The following ADAM23 variants were observed in gnomAD, a reference collection of about 807,000 sequenced individuals.
ADAM23 encodes disintegrin and metalloproteinase domain-containing protein 23.
A neutral mutation model predicts 120.1 loss-of-function variants in ADAM23; 33 were observed. That is an observed-to-expected ratio of 0.27 (90% CI 0.21 to 0.37). ADAM23 has a LOEUF of 0.37. Ranked by LOEUF, ADAM23 falls within the 10% of genes least tolerant of loss-of-function variation. ADAM23 has a pLI of 1.00. For synonymous variants in ADAM23, 367 were observed against 375.2 expected (o/e 0.98, Z 0.25); for missense variants, 862 against 1,058.2 (o/e 0.81, Z 2.57).
At chr2:206,472,521 G>A (rs6435340) in intron 2 of ADAM23, among the ~76,000 whole-genome samples, 19,271 of 151,506 alleles carry the variant, frequency 0.13, 1,684 homozygotes, top group African/African-American at 0.23. Context: ...GCTGAGGCAC[G>A]AGAATTGCTT....
At chr2:206,585,023 G>A (rs971323690) in intron 18 of ADAM23, among the ~76,000 whole-genome samples, 2 of 152,192 alleles carry the variant, frequency 1.3e-5, no homozygotes, top group Non-Finnish European at 2.9e-5. Flanking sequence ...TCCAGCGGGG[G>A]TGTGTGTTCC....
At chr2:206,553,156 T>A (rs1489312237) in intron 9 of ADAM23, among the ~76,000 whole-genome samples, 1 of 152,182 alleles carries the variant, frequency 6.6e-6, no homozygotes, top group East Asian at 1.9e-4. Flanking sequence ...GGCGTGTGGA[T>A]CACTTGAGGT....
At chr2:206,471,080 G>T (rs1487128937) in intron 2 of ADAM23, among the ~76,000 whole-genome samples, 1 of 152,162 alleles carries the variant, frequency 6.6e-6, no homozygotes, top group Non-Finnish European at 1.5e-5. Context: ...TATCAACAAG[G>T]ATCAGTGAAT....
chr2:206,587,232 A>G, intron 18 of ADAM23, 93 bp from the exon 19 acceptor site: 2 of 842,504 alleles, frequency 2.4e-6, no homozygotes, highest in South Asian at 1.9e-5. Flanking sequence ...TTCTAGTTAT[A>G]TATATCCACC....
In ADAM23 at chr2:206,573,144, T is replaced by C; in HGVS notation, c.1686T>C (p.Asp562=). The C allele has an allele frequency of 1.2e-6, 2 of 1,614,030 alleles. No homozygotes were observed. The highest frequency in any genetic ancestry group is 8.5e-7 in the Non-Finnish European group (1 of 1,179,904). ...AGCCACGAGGGTATGAATGCCGGGA[T>C]GCTGTGAACGAGTGTGATATTACTG... The part of the protein sequence containing the change: ...LFQPRGYECR[D]AVNECDITEY... Residue 562 remains aspartate (D), a synonymous_variant, in exon 18 of 26, where the codon GAT becomes GAC. Coordinates refer to ENST00000264377, the MANE Select transcript of ADAM23 (RefSeq NM_003812.4).
Position 206,542,124 on chromosome 2 carries a change from A to G in ADAM23, c.646A>G (p.Asn216Asp), listed in dbSNP as rs769522829. 6.2e-7 allele frequency: 1 copy of G among 1,614,114 alleles called. No individual in the cohort carries two copies. The highest frequency in any genetic ancestry group is 1.7e-5 in the Admixed American group (1 of 60,026). ...CTCCAAGGTGGCTCTGTCAACCTGC[A>G]ATGGACTTCAGTAAGTGGGAATCTC... ...KDSKVALSTC[N>D]GLHGMFEDDT... Residue 216 changes from asparagine to aspartate, a missense_variant, in exon 5 of 26, where the codon AAT becomes GAT. Coordinates refer to ENST00000264377, the MANE Select transcript of ADAM23 (RefSeq NM_003812.4).
intron 18 of ADAM23, among the ~76,000 whole-genome samples, chr2:206,575,941 A>C (rs1420002166): frequency 2.6e-5 from 4 of 152,158 alleles, no homozygotes; most frequent in Non-Finnish European, 5.9e-5. Context: ...AGAAGAAAAA[A>C]TGAGGAGAGA....
intron 24 of ADAM23, among the ~76,000 whole-genome samples, chr2:206,603,752 C>T (rs1385997856): frequency 6.6e-6 from 1 of 152,178 alleles, no homozygotes; most frequent in Non-Finnish European, 1.5e-5. Flanking sequence ...AAATTACATC[C>T]ATAGCAAAGA....
chr2:206,600,416 C>A (rs1698618979), intron 24 of ADAM23, among the ~76,000 whole-genome samples: 3 of 151,998 alleles, frequency 2.0e-5, no homozygotes, highest in Admixed American at 2.0e-4. Flanking sequence ...TATTTAATTT[C>A]AATGTGCTTC....
intron 3 of ADAM23, among the ~76,000 whole-genome samples, chr2:206,529,613 G>A (rs1293921276): frequency 4.6e-5 from 7 of 152,050 alleles, no homozygotes; most frequent in African/African-American, 1.7e-4. Context: ...TGCCAGGCTG[G>A]TTCTCAAACT....
chr2:206,541,319 C>T (rs1235918927), intron 4 of ADAM23, among the ~76,000 whole-genome samples: 2 of 151,990 alleles, frequency 1.3e-5, no homozygotes, highest in African/African-American at 4.8e-5. Flanking sequence ...TACACATAAA[C>T]AATGAATATA....
intron 18 of ADAM23, 28 bp downstream of exon 18, chr2:206,573,223 C>T (rs1698040616): frequency 6.3e-7 from 1 of 1,599,056 alleles, no homozygotes; most frequent in Non-Finnish European, 8.6e-7. Context: ...TTTGGTAATA[C>T]ATTTTACTTG....
intron 4 of ADAM23, among the ~76,000 whole-genome samples, chr2:206,537,183 T>A (rs1349007575): frequency 6.6e-6 from 1 of 152,182 alleles, no homozygotes; most frequent in Admixed American, 6.5e-5. Flanking sequence ...TATTCTTTTC[T>A]TTATCAGTAT....
intron 14 of ADAM23, among the ~76,000 whole-genome samples, chr2:206,566,309 T>C (rs1399440930): frequency 2.6e-5 from 4 of 152,078 alleles, no homozygotes; most frequent in Middle Eastern, 3.4e-3. Context: ...AAGAGGTTCC[T>C]ATCAACAGTG....
intron 3 of ADAM23, among the ~76,000 whole-genome samples, chr2:206,530,528 G>A (rs781333202): frequency 1.1e-4 from 17 of 150,900 alleles, no homozygotes; most frequent in Non-Finnish European, 1.8e-4. Context: ...TGAATAAAAA[G>A]AGTTCACCGT....
At chr2:206,609,007 T>C (rs1698780883) in intron 24 of ADAM23, among the ~76,000 whole-genome samples, 1 of 152,150 alleles carries the variant, frequency 6.6e-6, no homozygotes, top group African/African-American at 2.4e-5. Flanking sequence ...AAGTAATTAT[T>C]ATACTAGGTT....
chr2:206,567,834 C>T (rs1478317944), intron 15 of ADAM23, among the ~76,000 whole-genome samples: 1 of 152,052 alleles, frequency 6.6e-6, no homozygotes, highest in African/African-American at 2.4e-5. Context: ...GCTAGGGAGG[C>T]CTCAGGAAAC....
chr2:206,498,810 A>C (rs1696316397), intron 3 of ADAM23, among the ~76,000 whole-genome samples: 1 of 152,112 alleles, frequency 6.6e-6, no homozygotes, highest in South Asian at 2.1e-4. Flanking sequence ...TACAAGAAAA[A>C]AACAACCCCA....
At chr2:206,501,134 A>G (rs1034058129) in intron 3 of ADAM23, among the ~76,000 whole-genome samples, 2 of 152,104 alleles carry the variant, frequency 1.3e-5, no homozygotes, top group African/African-American at 2.4e-5. Context: ...TCCTGTTTCC[A>G]AGAACAACTT....
Sources: allele counts gnomAD v4.1 joint callset (sites outside exome capture counted in the v4.1 genomes callset), GRCh38; gene constraint gnomAD v4.1.1; transcripts MANE v1.5; gene names NCBI Gene and HGNC (gene_info 2026-07-23, HGNC 2026-07-21).